The following CCDC85C variants were observed in gnomAD, a reference collection of about 807,000 sequenced individuals.
The protein encoded by CCDC85C is coiled-coil domain-containing protein 85C.
CCDC85C carries 18 observed loss-of-function variants against 38.3 expected under a neutral mutation model. The observed-to-expected ratio is 0.47, with a 90% confidence interval of 0.33 to 0.70. The LOEUF is 0.70. Ranked by LOEUF, CCDC85C falls within the 30% of genes least tolerant of loss-of-function variation. The pLI is 0.03. For synonymous variants in CCDC85C, 264 were observed against 293.8 expected (o/e 0.90, Z 1.04); for missense variants, 566 against 621.2 (o/e 0.91, Z 0.94).
chr14:99,593,259 G>A (rs773038843), intron 1 of CCDC85C, among the ~76,000 whole-genome samples: 1 of 152,242 alleles, frequency 6.6e-6, no homozygotes, highest in Non-Finnish European at 1.5e-5. Context: ...TACAACCTGG[G>A]AGCCAACGGA....
intron 1 of CCDC85C, among the ~76,000 whole-genome samples, chr14:99,547,654 G>A (rs1897831394): frequency 6.6e-6 from 1 of 151,968 alleles, no homozygotes; most frequent in Admixed American, 6.6e-5. Flanking sequence ...GGCACCTGTA[G>A]TCCCAGCTAC....
Position 99,551,841 on chromosome 14 carries a change from T to C in CCDC85C, c.794-15753A>G, listed in dbSNP as rs371439993. On this transcript the variant is annotated intron_variant, in intron 1 of 5. Coordinates refer to ENST00000380243, the MANE Select transcript of CCDC85C (RefSeq NM_001144995.2). ...CCCACTCCCCAGCAAGCCCCCTCCC[T>C]AGGTCAGAGCCTCTAGGGAAAAGGG... 9.9e-5 allele frequency among the ~76,000 whole-genome samples: 15 copies of C among 152,240 alleles called. No individual in the cohort carries two copies. In the East Asian group the frequency reaches 2.5e-3, roughly 26 times the overall value.
At chr14:99,532,729 C>A (rs944231068) in intron 2 of CCDC85C, among the ~76,000 whole-genome samples, 1 of 151,990 alleles carries the variant, frequency 6.6e-6, no homozygotes, top group Non-Finnish European at 1.5e-5. Flanking sequence ...CCTCCATGGC[C>A]AGCAGGAACC....
At chr14:99,526,883 G>A (rs910798232) in intron 2 of CCDC85C, among the ~76,000 whole-genome samples, 1 of 152,110 alleles carries the variant, frequency 6.6e-6, no homozygotes, top group African/African-American at 2.4e-5. Flanking sequence ...CTCCCACCAG[G>A]GGCCCCAGCA....
chr14:99,557,631 A>G (rs1256859103), intron 1 of CCDC85C, among the ~76,000 whole-genome samples: 1 of 152,212 alleles, frequency 6.6e-6, no homozygotes, highest in African/African-American at 2.4e-5. Context: ...CCCAGGGTAC[A>G]GGTGGCTCCC....
rs1273640839 is a variant in CCDC85C at position 99,521,159 on chromosome 14, AGC to A, written c.975+972_975+973del. 7.2e-4 allele frequency among the ~76,000 whole-genome samples: 109 copies of A among 152,346 alleles called. 2 individuals carry two copies. Among genetic ancestry groups the A allele is most frequent in the Non-Finnish European group, 2.8e-4 (19 of 68,032 alleles). ...GAGGCACGGGGCATGAAGACTAAGG[AGC>A]CAGCCCCGTGAGGGCATCCCTTGGC... On this transcript the variant is annotated intron_variant, in intron 3 of 5. Coordinates refer to ENST00000380243, the MANE Select transcript of CCDC85C (RefSeq NM_001144995.2).
At chr14:99,561,674 G>A (rs142601415) in intron 1 of CCDC85C, among the ~76,000 whole-genome samples, 1 of 152,302 alleles carries the variant, frequency 6.6e-6, no homozygotes, top group East Asian at 1.9e-4. Context: ...ACAGCCCCCA[G>A]GGGCCCAGGC....
intron 1 of CCDC85C, among the ~76,000 whole-genome samples, chr14:99,575,226 G>A (rs1898448199): frequency 6.6e-6 from 1 of 152,196 alleles, no homozygotes; most frequent in African/African-American, 2.4e-5. Flanking sequence ...AGCCAGCGCA[G>A]GGCATTAGGA....
At chr14:99,522,846 G>A (rs1897321703) in intron 2 of CCDC85C, 1 of 152,304 alleles carries the variant, frequency 6.6e-6, no homozygotes, top group African/African-American at 2.4e-5. Context: ...CAGGAGGGAG[G>A]GAGGAAGGCT....
intron 2 of CCDC85C, among the ~76,000 whole-genome samples, chr14:99,532,434 AG>A (rs1400643344): frequency 1.3e-5 from 2 of 152,236 alleles, no homozygotes. Context: ...GTGGTCAGGC[AG>A]GAACAAGGGT....
At position 99,502,654 on chromosome 14, in the gene CCDC85C, T is replaced by C; in HGVS notation, c.*12592A>G. The stretch of plus-strand genomic sequence containing the variant: ...CGTAGGGGTATCATAACTGATTCTT[T>C]ATCCAGGTAAAATTTTATTTAAAAT... On this transcript the variant is annotated 3_prime_UTR_variant, in exon 6 of 6. Transcript: ENST00000380243. The C allele has an allele frequency of 6.7e-7, 1 of 1,483,570 alleles. No homozygotes were observed. The highest frequency in any genetic ancestry group is 9.3e-7 in the Non-Finnish European group (1 of 1,071,730). The allele number at this position is 1,483,570 out of a possible 1,614,324, so 91.9% of individuals were successfully genotyped here. A position where few individuals can be genotyped will look rare whatever the true frequency, so the allele number is the denominator to read the frequency against.
chr14:99,564,636 G>A (rs4900434), intron 1 of CCDC85C, among the ~76,000 whole-genome samples: 3 of 152,058 alleles, frequency 2.0e-5, no homozygotes, highest in Non-Finnish European at 2.9e-5. Context: ...GTGCATCCCC[G>A]AGGGCCTGTC....
At chr14:99,523,525 C>T (rs1172896861) in intron 2 of CCDC85C, among the ~76,000 whole-genome samples, 4 of 152,202 alleles carry the variant, frequency 2.6e-5, no homozygotes, top group Admixed American at 2.0e-4. Flanking sequence ...CCAGCTCCCA[C>T]GGAGCCAAGA....
intron 1 of CCDC85C, among the ~76,000 whole-genome samples, chr14:99,562,182 G>A (rs114643955): frequency 0.019 from 2,957 of 152,180 alleles, 98 homozygotes; most frequent in African/African-American, 0.068. Flanking sequence ...AGAGAGCGAC[G>A]CCCTCCAGCA....
chr14:99,528,238 G>A lies in CCDC85C; in HGVS notation c.868-5998C>T, dbSNP rs528406889. 3.3e-5 allele frequency among the ~76,000 whole-genome samples: 5 copies of A among 152,264 alleles called. No homozygotes were observed. In the East Asian group the frequency reaches 5.8e-4, roughly 18 times the overall value. On this transcript the variant is annotated intron_variant, in intron 2 of 5. Transcript: ENST00000380243. Reference sequence around the variant, plus strand: ...TCTACCTGAAGCCAGCTTCTCGGGCGGCCGTAGGGGCGGGGCAGCTAGAAG... The same window carrying A: ...TCTACCTGAAGCCAGCTTCTCGGGCAGCCGTAGGGGCGGGGCAGCTAGAAG...
chr14:99,603,400 C>T lies in CCDC85C; in HGVS notation c.560G>A (p.Ser187Asn), dbSNP rs757314647. The T allele has an allele frequency of 7.9e-7, 1 of 1,259,624 alleles. No individual in the cohort carries two copies. Among genetic ancestry groups the T allele is most frequent in the Non-Finnish European group, 9.9e-7 (1 of 1,007,290 alleles). The allele number at this position is 1,259,624 out of a possible 1,614,324, so 78.0% of individuals were successfully genotyped here. A position where few individuals can be genotyped will look rare whatever the true frequency, so the allele number is the denominator to read the frequency against. ...GGGCGCGCCACCCGACAGCGGCCCGCTCAGGCTGGCCTGGCTGTCGATGGA... is the reference window on the plus strand; with the variant it reads ...GGGCGCGCCACCCGACAGCGGCCCGTTCAGGCTGGCCTGGCTGTCGATGGA... ...RSSIDSQASL[S>N]GPLSGGAPGA... The change falls in exon 1 of 6, where the codon AGC becomes AAC. Residue 187 changes from serine to asparagine, a missense_variant. Physicochemically the swap from Ser to Asn is conservative, Grantham distance 46. Around this residue, in one of 3 missense-constraint regions of CCDC85C, gnomAD observed 269 missense variants for 308.2 expected, o/e 0.87. Transcript: ENST00000380243. This position sits in a 1 kb window ranked among gnomAD's most constrained non-coding sequence, Gnocchi z 7.5.
At position 99,544,465 on chromosome 14, in the gene CCDC85C, T is replaced by A. The variant is rs1487250963; in HGVS notation, c.794-8377A>T. On this transcript the variant is annotated intron_variant, in intron 1 of 5. Transcript: ENST00000380243. This position sits in a 1 kb window ranked among gnomAD's most constrained non-coding sequence, Gnocchi z 5.3. ...CATAACCACCCAGTCACAGAACTCA[T>A]AAAAACAGGGCTAAAATTTGAAGGG... 6.6e-6 allele frequency among the ~76,000 whole-genome samples: 1 copy of A among 151,756 alleles called. No individual in the cohort carries two copies. Among genetic ancestry groups the A allele is most frequent in the Non-Finnish European group, 1.5e-5 (1 of 67,960 alleles).
rs533685472 is a variant in CCDC85C at position 99,567,531 on chromosome 14, G to A, written c.794-31443C>T. 1.0e-3 allele frequency among the ~76,000 whole-genome samples: 155 copies of A among 152,304 alleles called. 2 individuals are homozygous for A. Among genetic ancestry groups the A allele is most frequent in the African/African-American group, 3.4e-3 (142 of 41,568 alleles). ...GTGCGGCAGATAAAACTAATCTTAAGATAGGGCAGGAGGCCGGACACAGGG... is the reference window on the plus strand; with the variant it reads ...GTGCGGCAGATAAAACTAATCTTAAAATAGGGCAGGAGGCCGGACACAGGG... On this transcript the variant is annotated intron_variant, in intron 1 of 5. Transcript: ENST00000380243.
chr14:99,523,476 T>C (rs780704622), intron 2 of CCDC85C, among the ~76,000 whole-genome samples: 5 of 152,276 alleles, frequency 3.3e-5, no homozygotes, highest in Non-Finnish European at 7.4e-5. Flanking sequence ...CAAACAGCCG[T>C]GTCCTGCGGG....
Sources: allele counts gnomAD v4.1 joint callset (sites outside exome capture counted in the v4.1 genomes callset), GRCh38; gene constraint gnomAD v4.1.1; regional missense constraint gnomAD v4.1.1; non-coding constraint Gnocchi (gnomAD v3.1); transcripts MANE v1.5; gene names NCBI Gene and HGNC (gene_info 2026-07-23, HGNC 2026-07-21).